The following PDE4D variants were observed in gnomAD, a reference collection of about 807,000 sequenced individuals.
PDE4D encodes the protein 3',5'-cyclic-AMP phosphodiesterase 4D.
A neutral mutation model predicts 87.4 loss-of-function variants in PDE4D; 24 were observed. The ratio of observed to expected loss-of-function variants is 0.27; its 90% CI spans 0.20 to 0.39. The LOEUF (loss-of-function observed/expected upper bound fraction) is 0.39, where lower values mean the gene tolerates loss of function less well. Among genes scored for constraint, PDE4D ranks in the 10% least tolerant of loss-of-function variants. PDE4D has a pLI of 1.00. For synonymous variants in PDE4D, 384 were observed against 383.2 expected (o/e 1.00, Z -0.02); for missense variants, 714 against 1,041.0 (o/e 0.69, Z 4.32).
chr5:59,162,755 T>C (rs1358860130), intron 5 of PDE4D, among the ~76,000 whole-genome samples: 1 of 147,766 alleles, frequency 6.8e-6, no homozygotes, highest in Non-Finnish European at 1.5e-5. Context: ...GACAGGAGGA[T>C]GAGGTGGGAG....
At chr5:59,940,282 T>C (rs1040427451) in intron 3 of PDE4D, among the ~76,000 whole-genome samples, 1 of 152,150 alleles carries the variant, frequency 6.6e-6, no homozygotes, top group Admixed American at 6.5e-5. Context: ...GGGAGGCACA[T>C]ACCATGATTA....
intron 5 of PDE4D, chr5:59,179,771 T>C: frequency 3.2e-6 from 1 of 314,926 alleles, no homozygotes; most frequent in Non-Finnish European, 6.2e-6. Context: ...TTGGAGAATA[T>C]GCTAATTTTC....
chr5:59,383,977 T>A (rs1308802807), intron 1 of PDE4D, among the ~76,000 whole-genome samples: 1 of 152,132 alleles, frequency 6.6e-6, no homozygotes, highest in African/African-American at 2.4e-5. Flanking sequence ...CAGTCTCAAC[T>A]TCCTGGACTC....
chr5:59,226,432 G>T (rs1753793929), intron 1 of PDE4D, among the ~76,000 whole-genome samples: 1 of 152,142 alleles, frequency 6.6e-6, no homozygotes, highest in East Asian at 1.9e-4. Flanking sequence ...TTATATGAGG[G>T]ATTTAAAGTA....
chr5:59,651,258 C>CAAT (rs59177482), intron 1 of PDE4D, among the ~76,000 whole-genome samples: 6,397 of 142,008 alleles, frequency 0.045, 171 homozygotes, highest in African/African-American at 0.064. Flanking sequence ...TCTGTCTCAA[C>CAAT]AATAATAATA....
At chr5:59,513,356 T>C (rs67306207) in intron 1 of PDE4D, among the ~76,000 whole-genome samples, 36,380 of 152,026 alleles carry the variant, frequency 0.24, 5,800 homozygotes, top group African/African-American at 0.46. Context: ...AAAAATCAGG[T>C]TAGCACATCA....
rs116421803 is a variant in PDE4D, at chr5:59,317,637, C to T, written c.456-101669G>A. ...CAACTTAAAACAGCTCTTTCCCTCG[C>T]GTAAGAACCTGACTTGCCAGGCACA... is the stretch of plus-strand genomic sequence containing the variant. On this transcript the variant is annotated intron_variant, in intron 1 of 14. Transcript: ENST00000340635. Among the ~76,000 whole-genome samples the T allele has an allele frequency of 9.2e-3, 1,402 of 152,226 alleles. 21 individuals carry two copies. Among genetic ancestry groups the T allele is most frequent in the African/African-American group, 0.032 (1,314 of 41,544 alleles).
At chr5:60,460,472 T>G (rs886597124) in intron 1 of PDE4D, 3 of 1,530,074 alleles carry the variant, frequency 2.0e-6, no homozygotes, top group African/African-American at 2.7e-5. Flanking sequence ...TTTGGGATTT[T>G]GGCGATCAAT....
At chr5:60,404,795 C>T (rs2150053507) in intron 1 of PDE4D, among the ~76,000 whole-genome samples, 1 of 152,302 alleles carries the variant, frequency 6.6e-6, no homozygotes, top group African/African-American at 2.4e-5. Context: ...CAGATTCCGC[C>T]AAGAGGGATT....
At chr5:59,935,605 T>C (rs1343903187) in intron 3 of PDE4D, among the ~76,000 whole-genome samples, 1 of 152,222 alleles carries the variant, frequency 6.6e-6, no homozygotes, top group African/African-American at 2.4e-5. Context: ...GAACACATTT[T>C]AGTGAATACA....
At chr5:59,693,163 CAACAT>C (rs1184197459) in intron 1 of PDE4D, among the ~76,000 whole-genome samples, 2 of 151,330 alleles carry the variant, frequency 1.3e-5, no homozygotes, top group African/African-American at 2.4e-5. Context: ...TTTGAATAAA[CAACAT>C]AACTGAAGGA....
chr5:60,057,957 A>T (rs560178883), intron 2 of PDE4D, among the ~76,000 whole-genome samples: 1 of 152,108 alleles, frequency 6.6e-6, no homozygotes, highest in African/African-American at 2.4e-5. Context: ...GGAAAGTATG[A>T]CTATTATTCT....
chr5:60,430,300 G>T, intron 1 of PDE4D: 1 of 477,078 alleles, frequency 2.1e-6, no homozygotes. Flanking sequence ...AGTTGGAAAG[G>T]AAACTGGCCA....
At chr5:59,786,552 A>G (rs1765195747) in intron 1 of PDE4D, among the ~76,000 whole-genome samples, 1 of 152,238 alleles carries the variant, frequency 6.6e-6, no homozygotes, top group Non-Finnish European at 1.5e-5. Flanking sequence ...TTGGATCTTG[A>G]CATTCTGCTA....
chr5:60,380,329 A>G (rs1761762711), intron 1 of PDE4D, among the ~76,000 whole-genome samples: 1 of 152,216 alleles, frequency 6.6e-6, no homozygotes, highest in Admixed American at 6.5e-5. Flanking sequence ...TTGATAGATT[A>G]TATTACTGCT....
At chr5:59,602,369 A>T (rs295950) in intron 1 of PDE4D, among the ~76,000 whole-genome samples, 131,055 of 151,912 alleles carry the variant, frequency 0.86, 56,596 homozygotes, top group South Asian at 0.93. Flanking sequence ...GCAAGAAAAG[A>T]TGGCCACTCT....
chr5:59,998,440 C>G (rs1763716415), intron 2 of PDE4D, among the ~76,000 whole-genome samples: 1 of 151,976 alleles, frequency 6.6e-6, no homozygotes. Flanking sequence ...AATCAAAGAC[C>G]AGTTGTTAAA....
In PDE4D at chr5:59,567,320, T is replaced by A. The variant is rs1264586996; in HGVS notation, c.455+325848A>T. Among the ~76,000 whole-genome samples, 3 of 152,192 alleles carry A rather than the reference T, an allele frequency of 2.0e-5. No individual in the cohort carries two copies. In the East Asian group the frequency reaches 5.8e-4, roughly 29 times the overall value. ...TGGAAACTACAAGTTACTATTCTCCTTAAGTTACCAGCAAGATACAGTCAA... is the reference window on the plus strand; with the variant it reads ...TGGAAACTACAAGTTACTATTCTCCATAAGTTACCAGCAAGATACAGTCAA... On this transcript the variant is annotated intron_variant, in intron 1 of 14. Coordinates refer to ENST00000340635, the MANE Select transcript of PDE4D (RefSeq NM_001104631.2).
At chr5:59,733,433 TATA>T (rs1446180644) in intron 1 of PDE4D, among the ~76,000 whole-genome samples, 1 of 152,106 alleles carries the variant, frequency 6.6e-6, no homozygotes, top group Non-Finnish European at 1.5e-5. Context: ...TGAGATGTAG[TATA>T]ATAAGTTCCA....
Sources: allele counts gnomAD v4.1 joint callset (sites outside exome capture counted in the v4.1 genomes callset), GRCh38; gene constraint gnomAD v4.1.1; transcripts MANE v1.5; gene names NCBI Gene and HGNC (gene_info 2026-07-23, HGNC 2026-07-21).